Variants in SLC25A21 observed in about 807,000 individuals in gnomAD.
The protein encoded by SLC25A21 is mitochondrial 2-oxodicarboxylate carrier.
A neutral mutation model predicts 43.8 loss-of-function variants in SLC25A21; 47 were observed. That is an observed-to-expected ratio of 1.07 (90% CI 0.85 to 1.37). The LOEUF (loss-of-function observed/expected upper bound fraction) is 1.37, where lower values mean the gene tolerates loss of function less well. Among genes scored for constraint, SLC25A21 ranks in the 40% most tolerant of loss-of-function variants. The probability of loss-of-function intolerance (pLI) is 0.00; values close to 1 mark genes in which losing one functional copy is unlikely to be tolerated. For synonymous variants in SLC25A21, 131 were observed against 121.3 expected (o/e 1.08, Z -0.52); for missense variants, 352 against 350.2 (o/e 1.00, Z -0.04).
At chr14:36,864,986 G>T in intron 2 of SLC25A21, among the ~76,000 whole-genome samples, 2 of 147,474 alleles carry the variant, frequency 1.4e-5, no homozygotes, top group African/African-American at 5.0e-5. Context: ...CCTTTTCCTT[G>T]TATTCTCTCC....
At chr14:37,091,628 T>C (rs1223754348) in intron 1 of SLC25A21, among the ~76,000 whole-genome samples, 1 of 152,202 alleles carries the variant, frequency 6.6e-6, no homozygotes, top group South Asian at 2.1e-4. Flanking sequence ...CATTAGATGA[T>C]GCAAATTTTC....
At chr14:36,901,154 A>C (rs1339971154) in intron 1 of SLC25A21, among the ~76,000 whole-genome samples, 1 of 152,228 alleles carries the variant, frequency 6.6e-6, no homozygotes, top group Non-Finnish European at 1.5e-5. Context: ...AAGAGCAGAG[A>C]CCGATAAGAA....
Position 36,895,018 on chromosome 14 carries a change from C to G in SLC25A21, c.71-20014G>C, listed in dbSNP as rs975240866. On this transcript the variant is annotated intron_variant, in intron 1 of 9. Transcript: ENST00000331299. The stretch of plus-strand genomic sequence containing the variant: ...AAAATTCTCTTTTTTGGTTGTGTCT[C>G]TGCCAGGCTTTGGTATCAGGATGAT... 1.0e-3 allele frequency among the ~76,000 whole-genome samples: 159 copies of G among 152,276 alleles called. 1 individual carries two copies. The highest frequency in any genetic ancestry group is 9.0e-4 in the Non-Finnish European group (61 of 68,028).
chr14:36,769,370 G>A (rs17105268), intron 3 of SLC25A21, among the ~76,000 whole-genome samples: 22,877 of 152,166 alleles, frequency 0.15, 1,833 homozygotes, highest in East Asian at 0.3. Flanking sequence ...ACTTGTTCTT[G>A]AAAGAGTTGT....
chr14:36,761,331 G>A (rs1886148666), intron 3 of SLC25A21, among the ~76,000 whole-genome samples: 1 of 152,186 alleles, frequency 6.6e-6, no homozygotes, highest in Non-Finnish European at 1.5e-5. Context: ...TCCTTCACGA[G>A]AGCATTCACT....
chr14:37,086,657 G>C (rs1319640851), intron 1 of SLC25A21, among the ~76,000 whole-genome samples: 1 of 152,034 alleles, frequency 6.6e-6, no homozygotes, highest in African/African-American at 2.4e-5. Flanking sequence ...TTATCCTCTC[G>C]ATACCTCCAT....
At chr14:37,049,478 G>A (rs376314748) in intron 1 of SLC25A21, among the ~76,000 whole-genome samples, 27 of 152,082 alleles carry the variant, frequency 1.8e-4, no homozygotes, top group African/African-American at 6.3e-4. Flanking sequence ...AGGCAGAAGT[G>A]GGAGGATTAC....
intron 1 of SLC25A21, among the ~76,000 whole-genome samples, chr14:37,117,907 T>C (rs1963135496): frequency 6.6e-6 from 1 of 151,988 alleles, no homozygotes; most frequent in Non-Finnish European, 1.5e-5. Flanking sequence ...GTCCAATCAC[T>C]AAAGATAGTT....
intron 1 of SLC25A21, among the ~76,000 whole-genome samples, chr14:37,125,188 A>G (rs993765704): frequency 6.6e-6 from 1 of 152,176 alleles, no homozygotes; most frequent in African/African-American, 2.4e-5. Flanking sequence ...GTCGGTTTCC[A>G]CATATGTAAA....
intron 1 of SLC25A21, among the ~76,000 whole-genome samples, chr14:36,904,822 G>C (rs1455252469): frequency 1.3e-5 from 2 of 152,082 alleles, no homozygotes; most frequent in East Asian, 1.9e-4. Context: ...CCTCCCACCA[G>C]GTCCCTCCCT....
intron 2 of SLC25A21, among the ~76,000 whole-genome samples, chr14:36,843,116 T>A (rs925572929): frequency 1.2e-4 from 18 of 152,174 alleles, no homozygotes; most frequent in African/African-American, 4.3e-4. Flanking sequence ...CTCATTCACC[T>A]GCTGCTCATC....
At chr14:36,710,192 C>T (rs1421545285) in intron 7 of SLC25A21, among the ~76,000 whole-genome samples, 1 of 151,806 alleles carries the variant, frequency 6.6e-6, no homozygotes, top group East Asian at 1.9e-4. Context: ...TGAGACCAGC[C>T]TGGTCATCAT....
At chr14:37,021,596 T>C (rs1384909164) in intron 1 of SLC25A21, among the ~76,000 whole-genome samples, 1 of 151,992 alleles carries the variant, frequency 6.6e-6, no homozygotes, top group Non-Finnish European at 1.5e-5. Flanking sequence ...TGTGCAGACT[T>C]CAGCTCTGTA....
In SLC25A21 at chr14:36,762,329, T is replaced by C. The variant is rs181966360; in HGVS notation, c.204-27756A>G. ...AGTTTCCTGATTCTATTTTTTTGCA[T>C]GAGGAGACTGGGCTCAGGAACACTG... On this transcript the variant is annotated intron_variant, in intron 3 of 9. Coordinates refer to ENST00000331299, the MANE Select transcript of SLC25A21 (RefSeq NM_030631.4). Among the ~76,000 whole-genome samples, 739 of 152,316 alleles carry C rather than the reference T, an allele frequency of 4.9e-3. 4 individuals are homozygous for C. Among genetic ancestry groups the C allele is most frequent in the Non-Finnish European group, 8.3e-3 (567 of 68,024 alleles).
chr14:36,979,612 T>G (rs1383124247), intron 1 of SLC25A21, among the ~76,000 whole-genome samples: 1 of 152,178 alleles, frequency 6.6e-6, no homozygotes. Context: ...TATCTTGACC[T>G]CTCAAAGTGC....
At chr14:36,726,394 C>A (rs190438089) in intron 5 of SLC25A21, among the ~76,000 whole-genome samples, 42 of 151,282 alleles carry the variant, frequency 2.8e-4, no homozygotes, top group Admixed American at 1.4e-3. Context: ...GATTGAACAA[C>A]TGTACTGCAG....
At chr14:36,914,022 T>C (rs1041618221) in intron 1 of SLC25A21, among the ~76,000 whole-genome samples, 1 of 152,214 alleles carries the variant, frequency 6.6e-6, no homozygotes, top group Non-Finnish European at 1.5e-5. Context: ...TATATAAGAA[T>C]TTCCCTTAAC....
chr14:36,889,058 T>G (rs550489083), intron 1 of SLC25A21, among the ~76,000 whole-genome samples: 1 of 152,338 alleles, frequency 6.6e-6, no homozygotes, highest in African/African-American at 2.4e-5. Flanking sequence ...ACACAAATTC[T>G]TTTTGAACTG....
chr14:36,771,641 T>C (rs1204809540), intron 3 of SLC25A21, among the ~76,000 whole-genome samples: 1 of 152,106 alleles, frequency 6.6e-6, no homozygotes, highest in East Asian at 1.9e-4. Flanking sequence ...CTAAACCATA[T>C]AGTTTTAGAA....
Sources: gnomAD v4.1 joint callset for allele counts (sites outside exome capture counted in the v4.1 genomes callset) on GRCh38, gnomAD v4.1.1 for gene constraint, MANE v1.5 for transcripts, NCBI Gene and HGNC (gene_info 2026-07-23, HGNC 2026-07-21) for gene names.